Variants in RASSF5 observed in about 807,000 individuals in gnomAD.
The protein encoded by RASSF5 is ras association domain-containing protein 5.
A neutral mutation model predicts 40.5 loss-of-function variants in RASSF5; 25 were observed. The observed-to-expected ratio is 0.62, with a 90% CI of 0.45 to 0.86. The LOEUF (loss-of-function observed/expected upper bound fraction) is 0.86. Ranked by LOEUF, RASSF5 falls within the 40% of genes least tolerant of loss-of-function variation. The probability of loss-of-function intolerance (pLI) is 0.00; values close to 1 mark genes in which losing one functional copy is unlikely to be tolerated. For missense variants in RASSF5, 521 were observed against 572.8 expected, an observed-to-expected ratio of 0.91 and a Z score of 0.92; for synonymous variants, 246 against 252.4, an observed-to-expected ratio of 0.97 and a Z score of 0.24.
intron 1 of RASSF5, among the ~76,000 whole-genome samples, chr1:206,527,470 TGCCTG>T (rs1667126863): frequency 6.6e-6 from 1 of 152,150 alleles, no homozygotes; most frequent in South Asian, 2.1e-4. Context: ...CTTTGGCTGC[TGCCTG>T]GGTGGTTCCA....
chr1:206,586,076 G>A (rs893515852), intron 5 of RASSF5: 1 of 152,330 alleles, frequency 6.6e-6, no homozygotes, highest in Non-Finnish European at 1.5e-5. Flanking sequence ...TCTAGTTCCA[G>A]TTCTGCTGCA....
chr1:206,564,616 C>T (rs1553403124), intron 2 of RASSF5, among the ~76,000 whole-genome samples: 1 of 152,180 alleles, frequency 6.6e-6, no homozygotes, highest in African/African-American at 2.4e-5. Flanking sequence ...CCTCGATTCT[C>T]TTCTCTTCTG....
At chr1:206,545,694 A>G (rs1211457205) in intron 2 of RASSF5, among the ~76,000 whole-genome samples, 4 of 152,156 alleles carry the variant, frequency 2.6e-5, no homozygotes, top group Non-Finnish European at 4.4e-5. Flanking sequence ...GACCTTCTTT[A>G]TCCCTGTTAA....
At chr1:206,551,310 G>T (rs1006051833) in intron 2 of RASSF5, among the ~76,000 whole-genome samples, 3 of 152,182 alleles carry the variant, frequency 2.0e-5, no homozygotes, top group African/African-American at 7.2e-5. Context: ...TTCTAGAGGT[G>T]CCAGATGCAC....
At chr1:206,509,525 GTTGGCAGCTT>G (rs577649421) in intron 1 of RASSF5, among the ~76,000 whole-genome samples, 2 of 152,344 alleles carry the variant, frequency 1.3e-5, no homozygotes, top group Non-Finnish European at 2.9e-5. Context: ...CCTTGGATGT[GTTGGCAGCTT>G]TTGCACTTTC....
intron 2 of RASSF5, chr1:206,557,671 C>T: frequency 1.9e-6 from 3 of 1,614,200 alleles, no homozygotes; most frequent in Non-Finnish European, 2.5e-6. Flanking sequence ...TTCAGAAATG[C>T]GCAGAGCAAA....
intron 1 of RASSF5, chr1:206,529,599 G>T (rs1553397689): frequency 9.0e-6 from 7 of 776,100 alleles, no homozygotes; most frequent in South Asian, 1.3e-5. Flanking sequence ...CAGATACAAT[G>T]ACATCCACTG....
Position 206,538,257 on chromosome 1 carries a change from C to T in RASSF5, c.543C>T (p.Pro181=). 1 of 1,614,088 alleles carries T rather than the reference C, an allele frequency of 6.2e-7. No homozygotes were observed. Residue 181 remains proline (P), a synonymous_variant, in exon 2 of 6, where the codon CCC becomes CCT. Transcript: ENST00000579436. Reference sequence around the variant, plus strand: ...AGGAGGGTTTATCCCGGGACAGACCCTCTCCAGAAAGCACCCTCACCGTGA... The same window carrying T: ...AGGAGGGTTTATCCCGGGACAGACCTTCTCCAGAAAGCACCCTCACCGTGA... ...SQQEGLSRDR[P]SPESTLTVTF...
In RASSF5 at chr1:206,587,317, G is replaced by A. The variant is rs889828151; in HGVS notation, c.*339G>A. 2 of 352,204 alleles carry A rather than the reference G, an allele frequency of 5.7e-6. No homozygotes were observed. Among genetic ancestry groups the A allele is most frequent in the African/African-American group, 4.3e-5 (2 of 46,848 alleles). The allele number at this position is 352,204 out of a possible 1,614,324, so 21.8% of individuals were successfully genotyped here. A position where few individuals can be genotyped will look rare whatever the true frequency, so the allele number is the denominator to read the frequency against. On this transcript the variant is annotated 3_prime_UTR_variant, in exon 6 of 6. Transcript: ENST00000579436. The stretch of plus-strand genomic sequence containing the variant: ...ACCTCACACCAGCCGGCAAAGGAAG[G>A]AAGAAAGGTTTTAGAGCTGTGTGTT...
rs1013173773 is a variant in RASSF5, at chr1:206,586,750, G to A, written c.1105-76G>A. The A allele has an allele frequency of 3.6e-6, 4 of 1,106,300 alleles. No individual in the cohort carries two copies. The East Asian group carries it at 9.4e-5, about 26-fold the overall frequency. 68.5% of individuals were successfully genotyped at this position (1,106,300 alleles called of 1,614,324 possible). A position where few individuals can be genotyped will look rare whatever the true frequency, so the allele number is the denominator to read the frequency against. On this transcript the variant is annotated intron_variant, in intron 5 of 5. Coordinates refer to ENST00000579436, the MANE Select transcript of RASSF5 (RefSeq NM_182663.4). ...TGAACTGGGAAGGGGAAGGCAGCAG[G>A]GTCTCTCAGGTCGTGTCAACTTCTA... is the stretch of plus-strand genomic sequence containing the variant.
intron 1 of RASSF5, among the ~76,000 whole-genome samples, chr1:206,515,251 G>C (rs1553395240): frequency 6.6e-6 from 1 of 152,232 alleles, no homozygotes; most frequent in African/African-American, 2.4e-5. Flanking sequence ...CTGGGTAATT[G>C]AGAGTTGGCT....
rs1484400140 is a variant in RASSF5 at position 206,535,453 on chromosome 1, A to T, written c.458-2719A>T. On this transcript the variant is annotated intron_variant, in intron 1 of 5. Coordinates refer to ENST00000579436, the MANE Select transcript of RASSF5 (RefSeq NM_182663.4). This position sits in a 1 kb window ranked among gnomAD's most constrained non-coding sequence, Gnocchi z 5.0. Reference sequence around the variant, plus strand: ...GGCTGTTGCTTTTGGGTTTGGAGAAAGGCATGGGGGCTCTGACTTCATCTC... The same window carrying T: ...GGCTGTTGCTTTTGGGTTTGGAGAATGGCATGGGGGCTCTGACTTCATCTC... Among the ~76,000 whole-genome samples, 2 of 152,156 alleles carry T rather than the reference A, an allele frequency of 1.3e-5. No individual in the cohort carries two copies. Among genetic ancestry groups the T allele is most frequent in the African/African-American group, 4.8e-5 (2 of 41,452 alleles).
chr1:206,548,982 T>C (rs1667768306), intron 2 of RASSF5, among the ~76,000 whole-genome samples: 1 of 152,086 alleles, frequency 6.6e-6, no homozygotes, highest in South Asian at 2.1e-4. Context: ...TCTCCTGCCT[T>C]GGCCTCCCAA....
At chr1:206,525,879 C>G (rs1667085415) in intron 1 of RASSF5, among the ~76,000 whole-genome samples, 1 of 152,216 alleles carries the variant, frequency 6.6e-6, no homozygotes, top group Non-Finnish European at 1.5e-5. Flanking sequence ...ACACAGAAAA[C>G]TGATACAGTC....
intron 2 of RASSF5, among the ~76,000 whole-genome samples, chr1:206,558,700 A>G (rs111331509): frequency 0.024 from 3,587 of 152,178 alleles, 133 homozygotes; most frequent in African/African-American, 0.082. Context: ...AATATACTGT[A>G]CCTTCCAATT....
At chr1:206,547,004 C>G (rs1667711226) in intron 2 of RASSF5, among the ~76,000 whole-genome samples, 2 of 152,174 alleles carry the variant, frequency 1.3e-5, no homozygotes, top group Non-Finnish European at 2.9e-5. Flanking sequence ...GGCACAGTGG[C>G]TCACACCTGT....
chr1:206,585,117 G>A (rs140228348), intron 4 of RASSF5, 63 bp from the exon 5 acceptor site: 101 of 1,268,762 alleles, frequency 8.0e-5, no homozygotes, highest in East Asian at 7.2e-4. Flanking sequence ...ATCCTTTCCC[G>A]CAAGCCTGGG....
Position 206,538,152 on chromosome 1 carries a change from C to T in RASSF5, c.458-20C>T. On this transcript the variant is annotated intron_variant, in intron 1 of 5. Transcript: ENST00000579436. The stretch of plus-strand genomic sequence containing the variant: ...GAATCCTGCCTGTCCTCTAATCTCC[C>T]TTTTGTTCTTTACCTCCAGACTGTA... 6.2e-7 allele frequency: 1 copy of T among 1,614,134 alleles called. No homozygotes were observed. Among genetic ancestry groups the T allele is most frequent in the Admixed American group, 1.7e-5 (1 of 60,026 alleles).
chr1:206,572,485 G>A (rs1450303211), intron 2 of RASSF5: 7 of 152,160 alleles, frequency 4.6e-5, no homozygotes, highest in African/African-American at 1.4e-4. Flanking sequence ...CCTGGGGCTA[G>A]GGTAACCAAA....
Sources: gnomAD v4.1 joint callset for allele counts (sites outside exome capture counted in the v4.1 genomes callset) on GRCh38, gnomAD v4.1.1 for gene constraint, Gnocchi (gnomAD v3.1) non-coding constraint, MANE v1.5 for transcripts, NCBI Gene and HGNC (gene_info 2026-07-23, HGNC 2026-07-21) for gene names.